The following ANO4 variants were observed in gnomAD, a reference collection of about 807,000 sequenced individuals.
ANO4 encodes anoctamin 4.
ANO4 carries 69 observed loss-of-function variants against 141.9 expected under a neutral mutation model. The observed-to-expected ratio is 0.49, with a 90% CI of 0.40 to 0.59. The LOEUF is 0.59. Ranked by LOEUF, ANO4 falls within the 20% of genes least tolerant of loss-of-function variation. The pLI is 0.00. For missense variants in ANO4, 894 were observed against 1,162.2 expected (o/e 0.77, Z 3.36); for synonymous variants, 350 against 394.3 (o/e 0.89, Z 1.33).
At chr12:101,011,995 GA>G (rs1331924319) in intron 8 of ANO4, among the ~76,000 whole-genome samples, 2 of 151,914 alleles carry the variant, frequency 1.3e-5, no homozygotes, top group Admixed American at 6.6e-5. Context: ...AAAAAAAATG[GA>G]AAAACCATCT....
chr12:100,776,762 G>C (rs561898846), intron 3 of ANO4, among the ~76,000 whole-genome samples: 1 of 152,196 alleles, frequency 6.6e-6, no homozygotes, highest in Non-Finnish European at 1.5e-5. Context: ...AAGCCAACAA[G>C]AGGAAAAGTG....
At chr12:100,818,259 A>T (rs977206990) in intron 1 of ANO4, among the ~76,000 whole-genome samples, 1 of 151,942 alleles carries the variant, frequency 6.6e-6, no homozygotes, top group South Asian at 2.1e-4. Context: ...CTATAGTTTT[A>T]AAAAAGTGAA....
At chr12:101,046,669 C>A (rs2047644924) in intron 13 of ANO4, among the ~76,000 whole-genome samples, 1 of 152,328 alleles carries the variant, frequency 6.6e-6, no homozygotes, top group South Asian at 2.1e-4. Flanking sequence ...CTGACTATCT[C>A]ATTGGGAACC....
chr12:100,806,429 C>G (rs71464245), intron 1 of ANO4, among the ~76,000 whole-genome samples: 2 of 147,976 alleles, frequency 1.4e-5, no homozygotes, highest in Non-Finnish European at 3.0e-5. Context: ...GTATTTTCTT[C>G]TTCTATGAGC....
chr12:100,855,193 C>T (rs2038099443), intron 1 of ANO4, among the ~76,000 whole-genome samples: 2 of 152,110 alleles, frequency 1.3e-5, no homozygotes, highest in Non-Finnish European at 2.9e-5. Flanking sequence ...TTGCATGCAT[C>T]ATTTAAGTGT....
At chr12:101,051,026 T>C (rs1270172478) in intron 14 of ANO4, among the ~76,000 whole-genome samples, 1 of 152,228 alleles carries the variant, frequency 6.6e-6, no homozygotes, top group Non-Finnish European at 1.5e-5. Context: ...AATTAAATAA[T>C]GGTTTCTTCT....
chr12:100,993,444 G>T lies in ANO4; in HGVS notation c.734+5774G>T, dbSNP rs533815885. Among the ~76,000 whole-genome samples the T allele has an allele frequency of 2.0e-5, 3 of 152,250 alleles. No homozygotes were observed. The East Asian group carries it at 5.8e-4, about 29-fold the overall frequency. ...TATCACCAATTTACGGATGAGGAAAGTGAGGAACAAAATGGTCAAAGAACC... is the reference window on the plus strand; with the variant it reads ...TATCACCAATTTACGGATGAGGAAATTGAGGAACAAAATGGTCAAAGAACC... On this transcript the variant is annotated intron_variant, in intron 8 of 27. Transcript: ENST00000392977.
chr12:100,935,285 A>G (rs1310011565), intron 3 of ANO4, among the ~76,000 whole-genome samples: 1 of 152,166 alleles, frequency 6.6e-6, no homozygotes, highest in Non-Finnish European at 1.5e-5. Flanking sequence ...TAATTTATTG[A>G]GAGTTTTTAG....
chr12:100,939,778 C>T (rs1479475187), intron 4 of ANO4, among the ~76,000 whole-genome samples: 2 of 152,186 alleles, frequency 1.3e-5, no homozygotes, highest in Non-Finnish European at 2.9e-5. Flanking sequence ...TGTATAGATC[C>T]CCCAGTGGGT....
At chr12:101,070,564 T>TA (rs936986588) in intron 14 of ANO4, among the ~76,000 whole-genome samples, 7 of 151,796 alleles carry the variant, frequency 4.6e-5, no homozygotes, top group African/African-American at 9.7e-5. Flanking sequence ...ATGAAACTAC[T>TA]AAAAAAAAGC....
At chr12:101,121,234 C>T (rs1178508458) in intron 26 of ANO4, among the ~76,000 whole-genome samples, 1 of 152,002 alleles carries the variant, frequency 6.6e-6, no homozygotes, top group Non-Finnish European at 1.5e-5. Context: ...CCCCTCTCCC[C>T]TCTATAGTAG....
intron 14 of ANO4, among the ~76,000 whole-genome samples, chr12:101,067,705 G>A (rs773343810): frequency 1.3e-5 from 2 of 152,128 alleles, no homozygotes; most frequent in Non-Finnish European, 2.9e-5. Context: ...AAGTGCTCAA[G>A]GAGGCAGTTT....
intron 7 of ANO4, among the ~76,000 whole-genome samples, chr12:100,980,795 A>G (rs2044425120): frequency 1.3e-5 from 2 of 152,326 alleles, no homozygotes. Context: ...TACTTGGTCT[A>G]TTAAATGCTG....
chr12:100,732,339 T>C (rs2031412578), intron 1 of ANO4, among the ~76,000 whole-genome samples: 1 of 152,216 alleles, frequency 6.6e-6, no homozygotes. Context: ...GGAGCATCTT[T>C]TCATGTGTGT....
intron 7 of ANO4, among the ~76,000 whole-genome samples, chr12:100,986,120 C>G (rs1008394950): frequency 6.6e-6 from 1 of 152,144 alleles, no homozygotes; most frequent in Non-Finnish European, 1.5e-5. Context: ...GGACATCTCT[C>G]TTCTTCTGCC....
Position 100,720,618 on chromosome 12 carries a change from C to T in ANO4, c.22+3071C>T, listed in dbSNP as rs908287503. Among the ~76,000 whole-genome samples the T allele has an allele frequency of 3.3e-5, 5 of 151,956 alleles. 1 individual carries two copies. Among genetic ancestry groups the T allele is most frequent in the African/African-American group, 1.2e-4 (5 of 41,368 alleles). On this transcript the variant is annotated intron_variant, in intron 1 of 29. Coordinates refer to the ANO4 transcript ENST00000644049. Reference sequence around the variant, plus strand: ...CTCCTTCTGCTAATGCTGATGTTTGCCTGGGTTCTCTCAAACTTTTAAATA... The same window carrying T: ...CTCCTTCTGCTAATGCTGATGTTTGTCTGGGTTCTCTCAAACTTTTAAATA...
rs559808141 is a variant in ANO4 at position 100,959,313 on chromosome 12, T to C, written c.457-11993T>C. Among the ~76,000 whole-genome samples the C allele has an allele frequency of 2.0e-5, 3 of 152,220 alleles. No homozygotes were observed. In the East Asian group the frequency reaches 5.8e-4, roughly 29 times the overall value. On this transcript the variant is annotated intron_variant, in intron 5 of 27. Coordinates refer to ENST00000392977, the MANE Select transcript of ANO4 (RefSeq NM_001286615.2). Reference sequence around the variant, plus strand: ...CTTCTCAAGGACTTTGCTCCTGTAATTGTCTTCCTCTATCTCTCCTGCATC... The same window carrying C: ...CTTCTCAAGGACTTTGCTCCTGTAACTGTCTTCCTCTATCTCTCCTGCATC...
intron 1 of ANO4, among the ~76,000 whole-genome samples, chr12:100,826,363 A>G (rs940399935): frequency 3.3e-5 from 5 of 152,090 alleles, no homozygotes; most frequent in Admixed American, 2.0e-4. Flanking sequence ...ATGTGATATA[A>G]TAGTGATTTG....
intron 1 of ANO4, among the ~76,000 whole-genome samples, chr12:100,879,318 CAAGAAATT>C (rs1484130747): frequency 6.6e-6 from 1 of 152,068 alleles, no homozygotes; most frequent in Admixed American, 6.6e-5. Context: ...GGTAAAGGAA[CAAGAAATT>C]AAGCAGTGTG....
Sources: gnomAD v4.1 joint callset for allele counts (sites outside exome capture counted in the v4.1 genomes callset) on GRCh38, gnomAD v4.1.1 for gene constraint, MANE v1.5 for transcripts, NCBI Gene and HGNC (gene_info 2026-07-23, HGNC 2026-07-21) for gene names.